ST3GAL3: variants seen among roughly 807,000 people sequenced by gnomAD.
ST3GAL3 encodes ST3 beta-galactoside alpha-2,3-sialyltransferase 3.
A neutral mutation model predicts 50.1 loss-of-function variants in ST3GAL3; 21 were observed. The ratio of observed to expected loss-of-function variants is 0.42; its 90% CI spans 0.30 to 0.60. The LOEUF (loss-of-function observed/expected upper bound fraction) is 0.60, where lower values mean the gene tolerates loss of function less well. Among genes scored for constraint, ST3GAL3 ranks in the 20% least tolerant of loss-of-function variants. ST3GAL3 has a pLI of 0.19. For missense variants in ST3GAL3, 353 were observed against 489.4 expected, an observed-to-expected ratio of 0.72 and a Z score of 2.63; for synonymous variants, 183 against 190.0, an observed-to-expected ratio of 0.96 and a Z score of 0.30.
intron 6 of ST3GAL3, among the ~76,000 whole-genome samples, chr1:43,894,919 GCTT>G (rs2077184484): frequency 1.3e-5 from 2 of 152,110 alleles, no homozygotes; most frequent in African/African-American, 4.8e-5. Context: ...ACCATGCCCG[GCTT>G]CTTCTTTAAT....
chr1:43,707,825 C>G (rs1405188239), intron 1 of ST3GAL3, 132 bp downstream of exon 1: 1 of 152,124 alleles, frequency 6.6e-6, no homozygotes, highest in Admixed American at 6.5e-5. Context: ...CGCTAGTGCC[C>G]GGGAAGGCGG....
chr1:43,778,193 C>T (rs1389656409), intron 2 of ST3GAL3, among the ~76,000 whole-genome samples: 2 of 152,152 alleles, frequency 1.3e-5, no homozygotes, highest in East Asian at 1.9e-4. Flanking sequence ...AACCAAAAAC[C>T]GTATGTTCTC....
chr1:43,758,331 A>G (rs913718961), intron 2 of ST3GAL3, among the ~76,000 whole-genome samples: 2 of 152,090 alleles, frequency 1.3e-5, no homozygotes, highest in African/African-American at 4.8e-5. Flanking sequence ...GTTCACTGCA[A>G]CCTCAAAGTC....
At position 43,899,307 on chromosome 1, in the gene ST3GAL3, A is replaced by C; in HGVS notation, c.557+44A>C. The C allele has an allele frequency of 6.2e-7, 1 of 1,614,084 alleles. No individual in the cohort carries two copies. Among genetic ancestry groups the C allele is most frequent in the Non-Finnish European group, 8.5e-7 (1 of 1,180,008 alleles). On this transcript the variant is annotated intron_variant, in intron 8 of 11. Coordinates refer to ENST00000347631, the MANE Select transcript of ST3GAL3 (RefSeq NM_006279.5). This position sits in a 1 kb window ranked among gnomAD's most constrained non-coding sequence, Gnocchi z 5.4. ...CACCTCGGGTGAGTGTCGTGGCCCC[A>C]ACCCTTAGTCCTGAGCCCATTGAGA...
chr1:43,893,217 G>A (rs60819075), intron 5 of ST3GAL3, among the ~76,000 whole-genome samples: 1,948 of 152,332 alleles, frequency 0.013, 45 homozygotes, highest in African/African-American at 0.045. Flanking sequence ...TCCATGCTGT[G>A]GTTGCTTCTG....
chr1:43,724,825 T>A (rs1011882789), intron 1 of ST3GAL3, among the ~76,000 whole-genome samples: 2 of 152,142 alleles, frequency 1.3e-5, no homozygotes, highest in African/African-American at 4.8e-5. Flanking sequence ...AGGGGCTGTA[T>A]AAAGGTCAAA....
chr1:43,851,947 A>C (rs2067403220), intron 5 of ST3GAL3, among the ~76,000 whole-genome samples: 1 of 152,204 alleles, frequency 6.6e-6, no homozygotes, highest in African/African-American at 2.4e-5. Flanking sequence ...CACCAGGCTT[A>C]GGCTTGGCCT....
intron 9 of ST3GAL3, among the ~76,000 whole-genome samples, chr1:43,911,688 T>C (rs114606083): frequency 0.037 from 5,503 of 148,620 alleles, 150 homozygotes; most frequent in Middle Eastern, 0.074. Context: ...GATATAGATA[T>C]GGATTTTTTT....
intron 2 of ST3GAL3, among the ~76,000 whole-genome samples, chr1:43,754,925 CA>C (rs34096962): frequency 1.3e-4 from 18 of 143,358 alleles, no homozygotes; most frequent in Admixed American, 2.1e-4. Flanking sequence ...AACCCTGTCT[CA>C]AAAAAAAAAA....
intron 9 of ST3GAL3, chr1:43,911,051 T>C (rs1279145238): frequency 6.6e-6 from 1 of 152,072 alleles, no homozygotes; most frequent in Non-Finnish European, 1.5e-5. Flanking sequence ...TAACTCTCTG[T>C]GCGTACCCTA....
chr1:43,734,596 C>G (rs1166630893), intron 1 of ST3GAL3, among the ~76,000 whole-genome samples: 1 of 152,120 alleles, frequency 6.6e-6, no homozygotes, highest in Non-Finnish European at 1.5e-5. Context: ...AGGCGTGAGC[C>G]ACTGTGCCCA....
intron 4 of ST3GAL3, among the ~76,000 whole-genome samples, chr1:43,835,876 A>G (rs2064246938): frequency 6.6e-6 from 1 of 152,206 alleles, no homozygotes; most frequent in Admixed American, 6.5e-5. Flanking sequence ...TTACTGCCGC[A>G]GACCAAAGCT....
At chr1:43,920,344 TCCC>T in intron 9 of ST3GAL3, 57 bp from the exon 10 acceptor site, 1 of 1,611,708 alleles carries the variant, frequency 6.2e-7, no homozygotes, top group Non-Finnish European at 8.5e-7. Flanking sequence ...TCCCTGCCAC[TCCC>T]CTAGGCTCAT....
intron 5 of ST3GAL3, among the ~76,000 whole-genome samples, chr1:43,849,249 T>C (rs866753360): frequency 6.6e-5 from 10 of 151,860 alleles, no homozygotes; most frequent in African/African-American, 2.2e-4. Flanking sequence ...TTTTTTTTTT[T>C]TCATATGGGT....
chr1:43,903,297 CT>C (rs1193421938), intron 9 of ST3GAL3, among the ~76,000 whole-genome samples: 2 of 152,210 alleles, frequency 1.3e-5, no homozygotes, highest in East Asian at 3.8e-4. Flanking sequence ...GCCCTGGGGT[CT>C]GGAGAGGACA....
chr1:43,717,871 ATTTT>A lies in ST3GAL3; in HGVS notation c.-31+10189_-31+10192del, dbSNP rs112419060. ...GAACAAATAATTATACCTATCATGA[ATTTT>A]TTTTTTTTTTAAATGAGACGGAGTT... is the stretch of plus-strand genomic sequence containing the variant. On this transcript the variant is annotated intron_variant, in intron 1 of 11. Transcript: ENST00000347631. Among the ~76,000 whole-genome samples the A allele has an allele frequency of 7.5e-5, 11 of 145,896 alleles. No homozygotes were observed. The East Asian group carries it at 1.8e-3, about 24-fold the overall frequency.
intron 2 of ST3GAL3, chr1:43,743,635 G>A (rs1682080042): frequency 7.0e-6 from 2 of 287,232 alleles, no homozygotes; most frequent in Admixed American, 7.8e-5. Flanking sequence ...GCCAATCCAT[G>A]AAACAGGCAC....
intron 2 of ST3GAL3, among the ~76,000 whole-genome samples, chr1:43,762,797 T>C (rs1028049191): frequency 2.0e-5 from 3 of 151,906 alleles, no homozygotes; most frequent in African/African-American, 7.3e-5. Flanking sequence ...TAAGAGTGGG[T>C]GAGACTGCTG....
At chr1:43,722,244 A>G (rs1670848748) in intron 1 of ST3GAL3, among the ~76,000 whole-genome samples, 1 of 152,148 alleles carries the variant, frequency 6.6e-6, no homozygotes. Flanking sequence ...GGAGGGCTTC[A>G]GCCTGACATT....
Sources: gnomAD v4.1 joint callset for allele counts (sites outside exome capture counted in the v4.1 genomes callset) on GRCh38, gnomAD v4.1.1 for gene constraint, Gnocchi (gnomAD v3.1) non-coding constraint, MANE v1.5 for transcripts, NCBI Gene and HGNC (gene_info 2026-07-23, HGNC 2026-07-21) for gene names.